STT3A: variants seen among roughly 807,000 people sequenced by gnomAD.
STT3A encodes the protein dolichyl-diphosphooligosaccharide--protein glycosyltransferase subunit STT3A.
Under a neutral mutation model 89.2 loss-of-function variants are expected in STT3A, and 34 were observed. The observed-to-expected ratio is 0.38, with a 90% CI of 0.29 to 0.51. STT3A has a LOEUF of 0.51. Ranked by LOEUF, STT3A falls within the 20% of genes least tolerant of loss-of-function variation. The pLI is 0.89. For synonymous variants in STT3A, 282 were observed against 310.3 expected (o/e 0.91, Z 0.96); for missense variants, 555 against 889.5 (o/e 0.62, Z 4.78).
At chr11:125,596,929 C>A in intron 2 of STT3A, 130 bp from the exon 3 acceptor site, 1 of 1,006,856 alleles carries the variant, frequency 9.9e-7, no homozygotes, top group Non-Finnish European at 1.5e-6. Flanking sequence ...TGGATAAAGA[C>A]TTTATTCAGG....
intron 10 of STT3A, chr11:125,610,003 G>T: frequency 6.8e-6 from 1 of 147,866 alleles, no homozygotes; most frequent in Non-Finnish European, 1.5e-5. Flanking sequence ...ATCCAGATGT[G>T]TTTTAGAATT....
Position 125,612,609 on chromosome 11 carries a change from G to A in STT3A, c.1227G>A (p.Val409=), listed in dbSNP as rs1940059621. The part of the protein sequence containing the change: ...FSAVMVRLML[V]LAPVMCILSG... ...TCTGTTAGGTGCGTCTAATGCTAGTGTTGGCACCTGTTATGTGCATTCTCT... is the reference window on the plus strand; with the variant it reads ...TCTGTTAGGTGCGTCTAATGCTAGTATTGGCACCTGTTATGTGCATTCTCT... The change falls in exon 12 of 18, where the codon GTG becomes GTA. Residue 409 remains valine, a synonymous_variant. Coordinates refer to ENST00000392708, the MANE Select transcript of STT3A (RefSeq NM_152713.5). 2 of 1,614,102 alleles carry A rather than the reference G, an allele frequency of 1.2e-6. No homozygotes were observed. Among genetic ancestry groups the A allele is most frequent in the East Asian group, 2.2e-5 (1 of 44,884 alleles).
In STT3A at chr11:125,597,982, G is replaced by A. The variant is rs1461555343; in HGVS notation, c.149+863G>A. Among the ~76,000 whole-genome samples the A allele has an allele frequency of 4.6e-5, 7 of 152,328 alleles. No homozygotes were observed. In the South Asian group the frequency reaches 6.2e-4, roughly 14 times the overall value. On this transcript the variant is annotated intron_variant, in intron 3 of 17. Transcript: ENST00000392708. ...TAATCCCAGCACTGGGGGAGGCCAA[G>A]GCGGGCAGATCACAAGGTCAGGAGT...
Position 125,612,655 on chromosome 11 carries a change from G to A in STT3A, c.1273G>A (p.Val425Met). ...CILSGIGVSQ[V>M]LSTYMKNLDI... The stretch of plus-strand genomic sequence containing the variant: ...TCTCTCTGGCATTGGAGTCTCCCAG[G>A]TGCTGTCCACATACATGAAGAATCT... Residue 425 changes from valine (V) to methionine (M), a missense_variant, in exon 12 of 18, where the codon GTG (valine) becomes ATG (methionine). Val to Met is a conservative substitution (Grantham distance 21). Transcript: ENST00000392708. The A allele has an allele frequency of 6.2e-7, 1 of 1,614,180 alleles. No individual in the cohort carries two copies. The highest frequency in any genetic ancestry group is 8.5e-7 in the Non-Finnish European group (1 of 1,180,040).
Position 125,614,325 on chromosome 11 carries a change from C to A in STT3A, c.1673C>A (p.Ala558Glu). The change falls in exon 15 of 18, where the codon GCA becomes GAA. Residue 558 changes from alanine (A) to glutamate (E), a missense_variant and splice_region_variant. Coordinates refer to ENST00000392708, the MANE Select transcript of STT3A (RefSeq NM_152713.5). This position sits in a 1 kb window ranked among gnomAD's most constrained non-coding sequence, Gnocchi z 4.9. ...AGAATTGTACATTTGTTTTTCCAGGCAATGGCGTCCACAGAGGAAAAAGCC... is the reference window on the plus strand; with the variant it reads ...AGAATTGTACATTTGTTTTTCCAGGAAATGGCGTCCACAGAGGAAAAAGCC... ...NNTHISRVGQ[A>E]MASTEEKAYE... 1 of 1,614,040 alleles carries A rather than the reference C, an allele frequency of 6.2e-7. No individual in the cohort carries two copies. The highest frequency in any genetic ancestry group is 8.5e-7 in the Non-Finnish European group (1 of 1,179,994).
rs570517584 is a variant in STT3A, at chr11:125,619,329, G to A, written c.1964-682G>A. 3.4e-4 allele frequency among the ~76,000 whole-genome samples: 51 copies of A among 151,998 alleles called. No homozygotes were observed. In the South Asian group the frequency reaches 0.01, roughly 30 times the overall value. On this transcript the variant is annotated intron_variant, in intron 16 of 17. Transcript: ENST00000392708. ...CCCACCTCGGCCTCCCAAAGTGCTGGGATTACAGGCATGAGCCACCGCACC... is the reference window on the plus strand; with the variant it reads ...CCCACCTCGGCCTCCCAAAGTGCTGAGATTACAGGCATGAGCCACCGCACC...
At chr11:125,618,653 TTG>T in intron 16 of STT3A, 92 bp downstream of exon 16, 1 of 1,294,628 alleles carries the variant, frequency 7.7e-7, no homozygotes. Context: ...AGTAAGTGCT[TTG>T]TGTCTGTTAA....
chr11:125,613,739 A>C lies in STT3A; in HGVS notation c.1555-348A>C, dbSNP rs1940091660. On this transcript the variant is annotated intron_variant, in intron 13 of 17. Coordinates refer to ENST00000392708, the MANE Select transcript of STT3A (RefSeq NM_152713.5). This position sits in a 1 kb window ranked among gnomAD's most constrained non-coding sequence, Gnocchi z 4.2. ...CATCTTTATAGTAAGTGATTTTTGC[A>C]ATTCTGTTAAAAGGTTATTTAAGAA... 1 of 185,514 alleles carries C rather than the reference A, an allele frequency of 5.4e-6. No homozygotes were observed. The highest frequency in any genetic ancestry group is 2.4e-5 in the African/African-American group (1 of 42,200). 11.5% of individuals were successfully genotyped at this position (185,514 alleles called of 1,614,324 possible). A position where few individuals can be genotyped will look rare whatever the true frequency, so the allele number is the denominator to read the frequency against.
Position 125,604,243 on chromosome 11 carries a change from T to C in STT3A, c.504T>C (p.Asn168=). ...ISRSVAGSYD[N]EGIAIFCMLL... is the part of the protein sequence containing the mutation. ...GATCTGTGGCTGGCTCCTATGATAA[T>C]GAAGGTAAGACTTTTAAAATGCTGA... Residue 168 remains asparagine (N), a synonymous_variant, in exon 6 of 18, where the codon AAT becomes AAC. Transcript: ENST00000392708. 1 of 1,613,920 alleles carries C rather than the reference T, an allele frequency of 6.2e-7. No individual in the cohort carries two copies. Among genetic ancestry groups the C allele is most frequent in the Non-Finnish European group, 8.5e-7 (1 of 1,179,826 alleles).
At chr11:125,597,827 C>T (rs1939540382) in intron 3 of STT3A, among the ~76,000 whole-genome samples, 1 of 152,158 alleles carries the variant, frequency 6.6e-6, no homozygotes, top group Non-Finnish European at 1.5e-5. Flanking sequence ...ATTTACTAAG[C>T]ATTCATTTTG....
Position 125,622,336 on chromosome 11 carries a change from A to G in STT3A, c.*1526A>G, listed in dbSNP as rs183286972. 2.6e-5 allele frequency: 4 copies of G among 152,356 alleles called. No individual in the cohort carries two copies. In the East Asian group the frequency reaches 5.8e-4, roughly 22 times the overall value. The allele number at this position is 152,356 out of a possible 1,614,324, so 9.4% of individuals were successfully genotyped here. On this transcript the variant is annotated 3_prime_UTR_variant, in exon 18 of 18. Transcript: ENST00000392708. The stretch of plus-strand genomic sequence containing the variant: ...TTAGCCTCAAGATTTGATTTACTAT[A>G]TGTAAGTACATTACTTGATTTCTAT...
At chr11:125,611,368 T>C in intron 10 of STT3A, 60 bp from the exon 11 acceptor site, 2 of 1,320,028 alleles carry the variant, frequency 1.5e-6, no homozygotes, top group Non-Finnish European at 1.1e-6. Flanking sequence ...GAAGATACTT[T>C]ACCTTGTAGG....
Position 125,618,352 on chromosome 11 carries a change from CTTTTT to C in STT3A, c.1775-12_1775-8del. On this transcript the variant is annotated splice_polypyrimidine_tract_variant and intron_variant, in intron 15 of 17. Transcript: ENST00000392708. ...CAGCAACTTTTGTGATGCAGCAGTT[CTTTTT>C]TTTTTTTTCTCCTAGATATCAACAA... 4.6e-6 allele frequency: 6 copies of C among 1,292,766 alleles called. No homozygotes were observed. The highest frequency in any genetic ancestry group is 6.3e-6 in the Non-Finnish European group (6 of 948,032). The allele number at this position is 1,292,766 out of a possible 1,614,324, so 80.1% of individuals were successfully genotyped here. A position where few individuals can be genotyped will look rare whatever the true frequency, so the allele number is the denominator to read the frequency against.
chr11:125,601,466 C>T (rs755884606), intron 3 of STT3A, among the ~76,000 whole-genome samples: 3 of 152,020 alleles, frequency 2.0e-5, no homozygotes, highest in Admixed American at 6.6e-5. Flanking sequence ...ACTAAAAATA[C>T]AAAAATTAGC....
rs752309002 is a variant in STT3A, at chr11:125,602,286, T to G, written c.150-17T>G. On this transcript the variant is annotated splice_polypyrimidine_tract_variant and intron_variant, in intron 3 of 17. Coordinates refer to ENST00000392708, the MANE Select transcript of STT3A (RefSeq NM_152713.5). ...AATTCACCACAAATTTACAACAAAGTTTATTTCTTGCTATAGGTACTTTAA... is the reference window on the plus strand; with the variant it reads ...AATTCACCACAAATTTACAACAAAGGTTATTTCTTGCTATAGGTACTTTAA... 6.8e-6 allele frequency: 11 copies of G among 1,606,584 alleles called. No homozygotes were observed. The East Asian group carries it at 2.5e-4, about 36-fold the overall frequency.
intron 15 of STT3A, among the ~76,000 whole-genome samples, chr11:125,616,921 G>A (rs1408638275): frequency 1.3e-5 from 2 of 152,018 alleles, no homozygotes; most frequent in African/African-American, 2.4e-5. Context: ...CAAGTGATCC[G>A]CCCATCTCAG....
At chr11:125,594,207 GAATA>G (rs1939412552) in intron 1 of STT3A, among the ~76,000 whole-genome samples, 1 of 152,132 alleles carries the variant, frequency 6.6e-6, no homozygotes, top group East Asian at 1.9e-4. Context: ...CAGTCAAAAA[GAATA>G]AAAGCAAAAC....
chr11:125,605,801 ATTG>A (rs1480163958), intron 7 of STT3A, 66 bp downstream of exon 7: 1 of 1,369,538 alleles, frequency 7.3e-7, no homozygotes, highest in East Asian at 2.3e-5. Flanking sequence ...ATGGGTACTT[ATTG>A]TTTGACCAAC....
chr11:125,595,784 C>T (rs1939474824), intron 1 of STT3A, 97 bp from the exon 2 acceptor site: 3 of 654,170 alleles, frequency 4.6e-6, no homozygotes, highest in African/African-American at 1.8e-5. Flanking sequence ...TTTTTGCTAG[C>T]TCCTACGTCC....
Sources: gnomAD v4.1 joint callset for allele counts (sites outside exome capture counted in the v4.1 genomes callset) on GRCh38, gnomAD v4.1.1 for gene constraint, Gnocchi (gnomAD v3.1) non-coding constraint, MANE v1.5 for transcripts, NCBI Gene and HGNC (gene_info 2026-07-23, HGNC 2026-07-21) for gene names.